Variants in SNED1 observed in about 807,000 individuals in gnomAD.
The protein encoded by SNED1 is sushi, nidogen and EGF-like domain-containing protein 1.
A neutral mutation model predicts 166.7 loss-of-function variants in SNED1; 81 were observed. The ratio of observed to expected loss-of-function variants is 0.49; its 90% confidence interval spans 0.41 to 0.58. The LOEUF (loss-of-function observed/expected upper bound fraction) is 0.58. SNED1 is among the 20% of genes least tolerant of loss of function. The pLI, the probability that SNED1 is intolerant of heterozygous loss-of-function variation, is 0.00. For missense variants in SNED1, 1,604 were observed against 2,000.2 expected (o/e 0.80, Z 3.78); for synonymous variants, 762 against 822.0 (o/e 0.93, Z 1.25).
intron 26 of SNED1, chr2:241,072,091 T>G (rs1161279593): frequency 2.9e-6 from 2 of 700,714 alleles, no homozygotes; most frequent in Non-Finnish European, 5.2e-6. Context: ...CGTGAGGGCC[T>G]CACGTCAGTG....
chr2:241,083,338 C>T (rs756807749), intron 29 of SNED1, among the ~76,000 whole-genome samples: 5 of 152,024 alleles, frequency 3.3e-5, no homozygotes, highest in Non-Finnish European at 5.9e-5. Context: ...GACAGGGAAC[C>T]CTCGGGGCCA....
chr2:241,052,094 C>T lies in SNED1; in HGVS notation c.1906C>T (p.His636Tyr). 6.2e-7 allele frequency: 1 copy of T among 1,613,922 alleles called. No homozygotes were observed. The highest frequency in any genetic ancestry group is 8.5e-7 in the Non-Finnish European group (1 of 1,179,866). Residue 636 changes from histidine to tyrosine, a missense_variant, in exon 14 of 32, where the codon CAC becomes TAC. Physicochemically the swap from His to Tyr is moderately conservative, Grantham distance 83 (BLOSUM62 2). Transcript: ENST00000310397. ...GPCHNGGTCFHYIGKYKCDCP... is the reference protein window; with the variant it reads ...GPCHNGGTCFYYIGKYKCDCP... ...CTGTCACAACGGCGGCACCTGCTTC[C>T]ACTACATTGGCAAATACAAGTGTGA...
Position 240,998,989 on chromosome 2 carries a change from C to G in SNED1, c.152C>G (p.Ser51Trp). 7.5e-7 allele frequency: 1 copy of G among 1,326,428 alleles called. No individual in the cohort carries two copies. The highest frequency in any genetic ancestry group is 9.7e-7 in the Non-Finnish European group (1 of 1,034,612). 82.2% of individuals were successfully genotyped at this position (1,326,428 alleles called of 1,614,324 possible). ...AVTPKQDDGG[S>W]GLRPLSVPFP... ...ACCCCCAAGCAGGACGACGGCGGCTCGGGGCTGCGGCCGCTCTCGGTGCCC... is the reference window on the plus strand; with the variant it reads ...ACCCCCAAGCAGGACGACGGCGGCTGGGGGCTGCGGCCGCTCTCGGTGCCC... Residue 51 changes from serine to tryptophan, a missense_variant, in exon 1 of 32, where the codon TCG becomes TGG. Coordinates refer to ENST00000310397, the MANE Select transcript of SNED1 (RefSeq NM_001080437.3).
intron 1 of SNED1, among the ~76,000 whole-genome samples, chr2:241,009,562 G>A (rs965001514): frequency 1.3e-5 from 2 of 152,134 alleles, no homozygotes. Context: ...CACGGGGGCT[G>A]GGGGCATGGC....
In SNED1 at chr2:241,081,410, CCTT is replaced by C. The variant is rs112921353; in HGVS notation, c.3917-266_3917-264del. Among the ~76,000 whole-genome samples, 990 of 152,334 alleles carry C rather than the reference CCTT, an allele frequency of 6.5e-3. 8 individuals carry two copies. Among genetic ancestry groups the C allele is most frequent in the African/African-American group, 0.017 (701 of 41,574 alleles). On this transcript the variant is annotated intron_variant, in intron 27 of 31. Coordinates refer to ENST00000310397, the MANE Select transcript of SNED1 (RefSeq NM_001080437.3). ...CCCTCTCCCTCCTCCTTCTCCTCCT[CCTT>C]GTTTTTGTTTGTCTTCCTTCCTTCC...
At chr2:241,083,618 G>A (rs887198764) in intron 29 of SNED1, among the ~76,000 whole-genome samples, 1 of 152,184 alleles carries the variant, frequency 6.6e-6, no homozygotes, top group Non-Finnish European at 1.5e-5. Context: ...TCTATGCAGT[G>A]AGAGTCCGAA....
chr2:241,011,453 C>T (rs1574857528), intron 1 of SNED1, among the ~76,000 whole-genome samples: 1 of 152,322 alleles, frequency 6.6e-6, no homozygotes, highest in African/African-American at 2.4e-5. Context: ...CGCTGGGCAG[C>T]CTGCTGGCAT....
chr2:241,042,621 T>C (rs1307364592), intron 8 of SNED1, among the ~76,000 whole-genome samples: 3 of 152,184 alleles, frequency 2.0e-5, no homozygotes, highest in Non-Finnish European at 2.9e-5. Context: ...CTATTATGAA[T>C]ATGCTCCTAT....
chr2:241,029,657 G>T (rs1162885425), intron 1 of SNED1, among the ~76,000 whole-genome samples: 1 of 152,264 alleles, frequency 6.6e-6, no homozygotes, highest in Non-Finnish European at 1.5e-5. Flanking sequence ...GGCATGGAGT[G>T]TGGGGCCAGG....
chr2:240,998,412 AC>A (rs1166930653), upstream of SNED1, among the ~76,000 whole-genome samples: 5 of 152,126 alleles, frequency 3.3e-5, no homozygotes, highest in African/African-American at 4.8e-5. Context: ...CAGGGTAGGG[AC>A]CCAGGGCGGA....
intron 28 of SNED1, 33 bp downstream of exon 28, chr2:241,081,826 C>T (rs1332665327): frequency 1.4e-6 from 2 of 1,471,034 alleles, no homozygotes; most frequent in South Asian, 2.4e-5. Flanking sequence ...GGCGCCCCTT[C>T]CAACACAGCC....
rs898622230 is a variant in SNED1, at chr2:241,033,737, C to T, written c.504C>T (p.Val168=). The T allele has an allele frequency of 1.2e-6, 2 of 1,611,024 alleles. No individual in the cohort carries two copies. The highest frequency in any genetic ancestry group is 1.7e-6 in the Non-Finnish European group (2 of 1,179,220). ...TFFGGSSSSP[V]NTFQTVLITD... is the part of the protein sequence containing the mutation. ...GTTCAGCCCCCTCTCCCCGGCAGGT[C>T]AACACATTCCAGACTGTGCTCATCA... is the stretch of plus-strand genomic sequence containing the variant. The change falls in exon 3 of 32, where the codon GTC becomes GTT. Residue 168 remains valine, a splice_region_variant and synonymous_variant. Transcript: ENST00000310397.
rs376977982 is a variant in SNED1, at chr2:241,003,134, C to T, written c.213+4084C>T. Among the ~76,000 whole-genome samples the T allele has an allele frequency of 1.2e-3, 182 of 151,346 alleles. 1 individual carries two copies. The highest frequency in any genetic ancestry group is 4.2e-3 in the African/African-American group (171 of 41,182). ...CCCCTCCGCCCTCCCCCGGGCCCCC[C>T]GCTCAGGCACTCCCCCAGCCCCACC... On this transcript the variant is annotated intron_variant, in intron 1 of 31. Transcript: ENST00000310397.
At chr2:241,016,888 T>C (rs1342771897) in intron 1 of SNED1, among the ~76,000 whole-genome samples, 1 of 150,578 alleles carries the variant, frequency 6.6e-6, no homozygotes, top group African/African-American at 2.4e-5. Flanking sequence ...GTTTTGCTCT[T>C]GTCGCCCAGG....
intron 8 of SNED1, among the ~76,000 whole-genome samples, chr2:241,047,991 T>C (rs1264008516): frequency 1.3e-5 from 2 of 150,658 alleles, no homozygotes; most frequent in Non-Finnish European, 1.5e-5. Context: ...CTGGTGCTTC[T>C]TGTTCTGTCC....
chr2:241,056,735 C>A (rs2062055485), intron 16 of SNED1, among the ~76,000 whole-genome samples: 1 of 151,882 alleles, frequency 6.6e-6, no homozygotes, highest in Non-Finnish European at 1.5e-5. Context: ...CGCCCATCAC[C>A]ACGCCCGGCT....
Position 241,052,146 on chromosome 2 carries a change from A to G in SNED1, c.1958A>G (p.His653Arg). The G allele has an allele frequency of 6.2e-7, 1 of 1,613,512 alleles. No individual in the cohort carries two copies. The highest frequency in any genetic ancestry group is 8.5e-7 in the Non-Finnish European group (1 of 1,179,592). Residue 653 changes from histidine to arginine, a missense_variant, in exon 14 of 32, where the codon CAC (histidine) becomes CGC (arginine). Transcript: ENST00000310397. The part of the protein sequence containing the change: ...CDCPPGFSGR[H>R]CEIAPSPCFR... ...TGTCCCCCAGGCTTCTCCGGGCGGCACTGCGAGATAGGTAAGGTGGGTGGG... is the reference window on the plus strand; with the variant it reads ...TGTCCCCCAGGCTTCTCCGGGCGGCGCTGCGAGATAGGTAAGGTGGGTGGG...
At chr2:241,016,448 G>A (rs910544559) in intron 1 of SNED1, among the ~76,000 whole-genome samples, 2 of 152,016 alleles carry the variant, frequency 1.3e-5, no homozygotes, top group South Asian at 2.1e-4. Context: ...CTCCTGCCTC[G>A]GCCTCCCAAA....
chr2:241,049,695 A>T, intron 11 of SNED1, 122 bp from the exon 12 acceptor site: 1 of 682,074 alleles, frequency 1.5e-6, no homozygotes, highest in Non-Finnish European at 2.6e-6. Flanking sequence ...GTGTATTTTC[A>T]GTGGCCTTGG....
Sources: gnomAD v4.1 joint callset for allele counts (sites outside exome capture counted in the v4.1 genomes callset) on GRCh38, gnomAD v4.1.1 for gene constraint, MANE v1.5 for transcripts, NCBI Gene and HGNC (gene_info 2026-07-23, HGNC 2026-07-21) for gene names.